Variants in AP2S1 observed in about 807,000 individuals in gnomAD.
The protein encoded by AP2S1 is adaptor related protein complex 2 subunit sigma 1.
AP2S1 carries 6 observed loss-of-function variants against 21.0 expected under a neutral mutation model. The observed-to-expected ratio is 0.29, with a 90% CI of 0.16 to 0.56. The LOEUF (loss-of-function observed/expected upper bound fraction) is 0.56. AP2S1 is among the 20% of genes least tolerant of loss of function. The probability of loss-of-function intolerance (pLI) is 0.92; values close to 1 mark genes in which losing one functional copy is unlikely to be tolerated. For synonymous variants in AP2S1, 63 were observed against 74.6 expected (o/e 0.84, Z 0.80); for missense variants, 60 against 186.2 (o/e 0.32, Z 3.95).
chr19:46,839,607 G>A lies in AP2S1; in HGVS notation c.154-29C>T, dbSNP rs534575535. ...CAGAACAGAGAGGCTGTCAGCAACG[G>A]AGATTGCCAGGACCTAACGTGCCAG... On this transcript the variant is annotated intron_variant, in intron 2 of 4. Transcript: ENST00000263270. 8 of 1,613,998 alleles carry A rather than the reference G, an allele frequency of 5.0e-6. No homozygotes were observed. Among genetic ancestry groups the A allele is most frequent in the Non-Finnish European group, 6.8e-6 (8 of 1,180,026 alleles).
intron 1 of AP2S1, chr19:46,850,115 T>C: frequency 8.1e-7 from 1 of 1,230,646 alleles, no homozygotes; most frequent in Non-Finnish European, 1.0e-6. Context: ...TCCCCATTCT[T>C]TCCGAGTGTC....
intron 1 of AP2S1, chr19:46,850,441 C>A: frequency 1.3e-6 from 1 of 797,716 alleles, no homozygotes; most frequent in Non-Finnish European, 1.7e-6. Flanking sequence ...AATGCCTTCT[C>A]GCTACCCACA....
chr19:46,843,862 T>C (rs1444738511), intron 2 of AP2S1, among the ~76,000 whole-genome samples: 1 of 152,086 alleles, frequency 6.6e-6, no homozygotes, highest in Non-Finnish European at 1.5e-5. Flanking sequence ...TACTCTAGCC[T>C]GGGAGACAGA....
At chr19:46,850,707 G>A (rs1368113540) in intron 1 of AP2S1, 57 bp downstream of exon 1, 2 of 1,434,224 alleles carry the variant, frequency 1.4e-6, no homozygotes, top group Admixed American at 1.7e-5. Context: ...TCCAGCCTCG[G>A]CTATTTACGC....
intron 1 of AP2S1, among the ~76,000 whole-genome samples, chr19:46,848,069 G>A (rs560521237): frequency 1.1e-4 from 16 of 152,042 alleles, no homozygotes; most frequent in Non-Finnish European, 1.8e-4. Flanking sequence ...TTTACTGTGA[G>A]GAGTAAAGGA....
At chr19:46,845,795 T>C in intron 2 of AP2S1, 198 bp downstream of exon 2, 2 of 638,618 alleles carry the variant, frequency 3.1e-6, no homozygotes, top group South Asian at 4.2e-5. Context: ...ATTGTACTAA[T>C]CTGTATGTTT....
chr19:46,850,822 G>T lies in AP2S1; in HGVS notation c.-56C>A. Reference sequence around the variant, plus strand: ...GGTCCCGCGGCGACTGGGCAGCTCCGGCTCAGGGTGCAGTTGTAGGGCCCA... The same window carrying T: ...GGTCCCGCGGCGACTGGGCAGCTCCTGCTCAGGGTGCAGTTGTAGGGCCCA... On this transcript the variant is annotated 5_prime_UTR_variant, in exon 1 of 5. Coordinates refer to ENST00000263270, the MANE Select transcript of AP2S1 (RefSeq NM_004069.6). The T allele has an allele frequency of 6.6e-7, 1 of 1,519,818 alleles. No individual in the cohort carries two copies. The highest frequency in any genetic ancestry group is 1.2e-5 in the South Asian group (1 of 81,428). The allele number at this position is 1,519,818 out of a possible 1,614,324, so 94.1% of individuals were successfully genotyped here. A position where few individuals can be genotyped will look rare whatever the true frequency, so the allele number is the denominator to read the frequency against.
At chr19:46,843,772 T>C (rs988906217) in intron 2 of AP2S1, among the ~76,000 whole-genome samples, 1 of 152,088 alleles carries the variant, frequency 6.6e-6, no homozygotes, top group Non-Finnish European at 1.5e-5. Flanking sequence ...TGCATGCCTG[T>C]AGTCCCAGCC....
chr19:46,840,842 C>A (rs146013798), intron 2 of AP2S1, among the ~76,000 whole-genome samples: 1 of 150,568 alleles, frequency 6.6e-6, no homozygotes, highest in Non-Finnish European at 1.5e-5. Context: ...CTCAGTCTCC[C>A]GAGTAGCTGG....
chr19:46,839,155 C>T (rs146787070), intron 3 of AP2S1, among the ~76,000 whole-genome samples: 1 of 151,790 alleles, frequency 6.6e-6, no homozygotes, highest in African/African-American at 2.4e-5. Context: ...GGCATCGTGG[C>T]GTGTGCCTGT....
chr19:46,848,507 C>A (rs1483470240), intron 1 of AP2S1, among the ~76,000 whole-genome samples: 1 of 152,196 alleles, frequency 6.6e-6, no homozygotes. Context: ...ATGGCCAAAG[C>A]TTACTCCATT....
intron 3 of AP2S1, 37 bp downstream of exon 3, chr19:46,839,428 A>AAAAAAC: frequency 1.3e-6 from 1 of 763,396 alleles, no homozygotes; most frequent in Non-Finnish European, 2.0e-6. Flanking sequence ...AGGGCTGCCC[A>AAAAAAC]CCCGCCTCCC....
Position 46,846,041 on chromosome 19 carries a change from C to T in AP2S1, c.105G>A (p.Val35=), listed in dbSNP as rs943777438. The change falls in exon 2 of 5, where the codon GTG becomes GTA. Residue 35 remains valine (V), a synonymous_variant. Transcript: ENST00000263270. The part of the protein sequence containing the change: ...DDEKQKLIEE[V]HAVVTVRDAK... ...CGTCTCGGACGGTGACCACGGCATG[C>T]ACCTCCTCGATCAGCTTCTGTTTCT... is the stretch of plus-strand genomic sequence containing the variant. 15 of 1,614,006 alleles carry T rather than the reference C, an allele frequency of 9.3e-6. No homozygotes were observed. The highest frequency in any genetic ancestry group is 1.3e-5 in the Non-Finnish European group (15 of 1,180,034).
rs2055459387 is a variant in AP2S1, at chr19:46,838,852, C to T, written c.268-53G>A. On this transcript the variant is annotated intron_variant, in intron 3 of 4. Transcript: ENST00000263270. This position sits in a 1 kb window ranked among gnomAD's most constrained non-coding sequence, Gnocchi z 4.1. ...AGATGGGCAGGGAGAGAGCCACACA[C>T]GCACAGAGATGGGAACAAGGTCATC... The T allele has an allele frequency of 1.2e-5, 18 of 1,538,332 alleles. No individual in the cohort carries two copies. The highest frequency in any genetic ancestry group is 6.7e-5 in the East Asian group (3 of 44,468).
In AP2S1 at chr19:46,838,890, C is replaced by T. The variant is rs2055460127; in HGVS notation, c.268-91G>A. The T allele has an allele frequency of 1.6e-6, 2 of 1,235,578 alleles. No homozygotes were observed. The highest frequency in any genetic ancestry group is 2.4e-5 in the East Asian group (1 of 42,282). The allele number at this position is 1,235,578 out of a possible 1,614,324, so 76.5% of individuals were successfully genotyped here. ...GAACAAGGTCATCAGAAAGAGACAG[C>T]AAAAAAAGAGACCAAGGGGGAGGCA... On this transcript the variant is annotated intron_variant, in intron 3 of 4. Coordinates refer to ENST00000263270, the MANE Select transcript of AP2S1 (RefSeq NM_004069.6). The surrounding 1 kb of genome is among the most constrained non-coding windows in gnomAD (Gnocchi z 4.1).
chr19:46,838,305 C>T lies in AP2S1; in HGVS notation c.*142G>A. The T allele has an allele frequency of 1.4e-6, 1 of 725,570 alleles. No individual in the cohort carries two copies. Among genetic ancestry groups the T allele is most frequent in the Non-Finnish European group, 2.3e-6 (1 of 427,928 alleles). 44.9% of individuals were successfully genotyped at this position (725,570 alleles called of 1,614,324 possible). A position where few individuals can be genotyped will look rare whatever the true frequency, so the allele number is the denominator to read the frequency against. On this transcript the variant is annotated 3_prime_UTR_variant, in exon 5 of 5. Coordinates refer to ENST00000263270, the MANE Select transcript of AP2S1 (RefSeq NM_004069.6). This position sits in a 1 kb window ranked among gnomAD's most constrained non-coding sequence, Gnocchi z 4.1. ...CCCAGAGGCAGTGGGGTGCAGTCTC[C>T]TCCCTTGTGGCCCAGACCCAGCTGG... is the stretch of plus-strand genomic sequence containing the variant.
chr19:46,850,648 C>T, intron 1 of AP2S1, 116 bp downstream of exon 1: 2 of 1,008,754 alleles, frequency 2.0e-6, no homozygotes, highest in South Asian at 1.4e-5. Context: ...CCAGAGCCCG[C>T]GCCTGACCCA....
chr19:46,840,541 G>A (rs1158016876), intron 2 of AP2S1, among the ~76,000 whole-genome samples: 2 of 151,624 alleles, frequency 1.3e-5, no homozygotes, highest in African/African-American at 4.8e-5. Flanking sequence ...TCGGGAGGCT[G>A]AGGTGGGGAG....
At chr19:46,849,510 G>C (rs572505918) in intron 1 of AP2S1, among the ~76,000 whole-genome samples, 2 of 152,278 alleles carry the variant, frequency 1.3e-5, no homozygotes, top group Non-Finnish European at 2.9e-5. Context: ...GAGCAGAGCC[G>C]GAGACATATT....
Sources: allele counts gnomAD v4.1 joint callset (sites outside exome capture counted in the v4.1 genomes callset), GRCh38; gene constraint gnomAD v4.1.1; non-coding constraint Gnocchi (gnomAD v3.1); transcripts MANE v1.5; gene names NCBI Gene and HGNC (gene_info 2026-07-23, HGNC 2026-07-21).